The following MAMDC4 variants were observed in gnomAD, a reference collection of about 807,000 sequenced individuals.
MAMDC4 encodes MAM domain containing 4, also known as apical endosomal glycoprotein.
In MAMDC4, 168 loss-of-function variants were observed where a neutral mutation model predicts 153.3. The observed-to-expected ratio is 1.10, with a 90% CI of 0.97 to 1.25. MAMDC4 has a LOEUF of 1.25. MAMDC4 is among the 50% of genes most tolerant of loss of function. The pLI, the probability that MAMDC4 is intolerant of heterozygous loss-of-function variation, is 0.00. For missense variants in MAMDC4, 1,701 were observed against 1,542.8 expected, an observed-to-expected ratio of 1.10 and a Z score of -1.72; for synonymous variants, 744 against 651.5, an observed-to-expected ratio of 1.14 and a Z score of -2.16.
Position 136,855,075 on chromosome 9 carries a change from G to A in MAMDC4, c.1162G>A (p.Asp388Asn). The change falls in exon 10 of 27, where the codon GAC becomes AAC. Residue 388 changes from aspartate to asparagine, a missense_variant. By Grantham distance (23) the Asp-to-Asn change is conservative. Transcript: ENST00000317446. ...GGAGCTGGGGACCGCCTGGGTCCGA[G>A]ACCGTGTTGACATCCAGAGCGCCTA... ...RGELGTAWVR[D>N]RVDIQSAYPF... The A allele has an allele frequency of 2.5e-6, 4 of 1,594,676 alleles. No homozygotes were observed. Among genetic ancestry groups the A allele is most frequent in the Non-Finnish European group, 3.4e-6 (4 of 1,171,348 alleles).
intron 6 of MAMDC4, 28 bp from the exon 7 acceptor site, chr9:136,854,183 G>T (rs185923518): frequency 2.5e-6 from 4 of 1,611,542 alleles, no homozygotes; most frequent in Non-Finnish European, 3.4e-6. Context: ...CTGGGGCCTC[G>T]GTGAAGGGTT....
At chr9:136,855,146 G>C (rs372648922) in intron 10 of MAMDC4, 36 bp downstream of exon 10, 2 of 1,563,384 alleles carry the variant, frequency 1.3e-6, no homozygotes, top group Admixed American at 3.9e-5. Flanking sequence ...CTGGGGAGCC[G>C]CACTGTGGGC....
At chr9:136,853,056 C>G in intron 1 of MAMDC4, 46 bp from the exon 2 acceptor site, 1 of 1,544,464 alleles carries the variant, frequency 6.5e-7, no homozygotes, top group South Asian at 1.1e-5. Flanking sequence ...GCTGGGATGG[C>G]TGGTCACCCT....
In MAMDC4 at chr9:136,859,313, C is replaced by G; in HGVS notation, c.3189C>G (p.Ser1063Arg). The change falls in exon 25 of 27, where the codon AGC (serine) becomes AGG (arginine). Residue 1063 changes from serine to arginine, a missense_variant. Transcript: ENST00000317446. ...AGCATTGCCAGCAGCCTGCCCCCAG[C>G]CCGGGTGAGCCCTGGGCTGCAGTGG... Reference protein sequence around the residue: ...AGQHCQQPAPSPGNTAAPGSV... With the variant: ...AGQHCQQPAPRPGNTAAPGSV... The G allele has an allele frequency of 6.2e-7, 1 of 1,609,632 alleles. No individual in the cohort carries two copies. The highest frequency in any genetic ancestry group is 1.3e-5 in the African/African-American group (1 of 74,990).
Position 136,856,780 on chromosome 9 carries a change from C to T in MAMDC4, c.1791C>T (p.Arg597=), listed in dbSNP as rs771355877. Reference sequence around the variant, plus strand: ...GCCACCTCTCAGACACACACTGGCGCTGGGTGGAGAGCCGCGGCCCTGACC... The same window carrying T: ...GCCACCTCTCAGACACACACTGGCGTTGGGTGGAGAGCCGCGGCCCTGACC... ...YPGHLSDTHW[R]WVESRGPDHD... The change falls in exon 15 of 27, where the codon CGC becomes CGT. Residue 597 remains arginine, a synonymous_variant. Coordinates refer to ENST00000317446, the MANE Select transcript of MAMDC4 (RefSeq NM_206920.3). 1.2e-6 allele frequency: 2 copies of T among 1,611,874 alleles called. No homozygotes were observed. The highest frequency in any genetic ancestry group is 2.2e-5 in the South Asian group (2 of 90,906).
intron 25 of MAMDC4, chr9:136,859,533 G>C (rs1564389382): frequency 3.3e-6 from 2 of 599,284 alleles, no homozygotes; most frequent in Non-Finnish European, 5.8e-6. Context: ...CTGGGGTGCA[G>C]CCTCTGGGGC....
Position 136,859,068 on chromosome 9 carries a change from G to A in MAMDC4, c.3020G>A (p.Gly1007Asp). Residue 1007 changes from glycine (G) to aspartate (D), a missense_variant, in exon 24 of 27, where the codon GGC becomes GAC. By Grantham distance (94) the Gly-to-Asp change is moderately conservative. Transcript: ENST00000317446. ...GGCCAGCTGGCTGTGTGGGGCGCAGGCGGGCATCGGCGGCACCAGTGGCTG... is the reference window on the plus strand; with the variant it reads ...GGCCAGCTGGCTGTGTGGGGCGCAGACGGGCATCGGCGGCACCAGTGGCTG... ...AQGQLAVWGAGGHRRHQWLEA... is the reference protein window; with the variant it reads ...AQGQLAVWGADGHRRHQWLEA... The A allele has an allele frequency of 1.9e-6, 3 of 1,555,054 alleles. No individual in the cohort carries two copies. Among genetic ancestry groups the A allele is most frequent in the Admixed American group, 3.9e-5 (2 of 51,382 alleles).
chr9:136,857,817 G>A, intron 19 of MAMDC4, 21 bp downstream of exon 19: 1 of 1,608,554 alleles, frequency 6.2e-7, no homozygotes, highest in Non-Finnish European at 8.5e-7. Flanking sequence ...TTGGGAGGGG[G>A]CCCCAGTGGG....
At position 136,859,305 on chromosome 9, in the gene MAMDC4, G is replaced by A; in HGVS notation, c.3181G>A (p.Ala1061Thr). 2 of 1,610,864 alleles carry A rather than the reference G, an allele frequency of 1.2e-6. No individual in the cohort carries two copies. The highest frequency in any genetic ancestry group is 8.5e-7 in the Non-Finnish European group (1 of 1,179,006). The change falls in exon 25 of 27, where the codon GCC (alanine) becomes ACC (threonine). Residue 1061 changes from alanine (A) to threonine (T), a missense_variant. Ala to Thr is a moderately conservative substitution (Grantham distance 58, BLOSUM62 0). Transcript: ENST00000317446. ...GGCTGGGCAGCATTGCCAGCAGCCT[G>A]CCCCCAGCCCGGGTGAGCCCTGGGC... is the stretch of plus-strand genomic sequence containing the variant. Reference protein sequence around the residue: ...YLAGQHCQQPAPSPGNTAAPG... With the variant: ...YLAGQHCQQPTPSPGNTAAPG...
chr9:136,854,232 CG>C lies in MAMDC4; in HGVS notation c.695del (p.Gly232AspfsTer38), dbSNP rs1447015733. 4.3e-6 allele frequency: 7 copies of C among 1,611,978 alleles called. No individual in the cohort carries two copies. In the Admixed American group the frequency reaches 5.0e-5, roughly 12 times the overall value. ...GLPTPQANCP[P>X]GHHHCQNKVC... ...CCAGCCCCCCAGGCCAACTGTCCCC[CG>C]GGACACCACCACTGCCAGAACAAGG... On this transcript the variant is annotated frameshift_variant, in exon 7 of 27. Transcript: ENST00000317446. LOFTEE classifies it high-confidence loss of function.
chr9:136,860,447 G>A (rs1224771473), intron 26 of MAMDC4, 115 bp from the exon 27 acceptor site: 9 of 1,113,410 alleles, frequency 8.1e-6, no homozygotes, highest in African/African-American at 6.3e-5. Context: ...CTTGAACCAG[G>A]GAGGCAGGGG....
At position 136,858,803 on chromosome 9, in the gene MAMDC4, C is replaced by T. The variant is rs1849045699; in HGVS notation, c.2906C>T (p.Pro969Leu). The change falls in exon 23 of 27, where the codon CCA becomes CTA. Residue 969 changes from proline (P) to leucine (L), a missense_variant. Transcript: ENST00000317446. The part of the protein sequence containing the change: ...WLRSEPLPAT[P>L]ASCLRFWYHM... ...CGCAGCGAGCCTCTGCCGGCCACCC[C>T]AGCCTCCTGCCTCCGCTTCTGGTAC... is the stretch of plus-strand genomic sequence containing the variant. The T allele has an allele frequency of 6.2e-7, 1 of 1,610,634 alleles. No homozygotes were observed. Among genetic ancestry groups the T allele is most frequent in the Non-Finnish European group, 8.5e-7 (1 of 1,178,816 alleles).
chr9:136,858,152 AC>A (rs1849034462), intron 20 of MAMDC4, 33 bp from the exon 21 acceptor site: 1 of 1,519,376 alleles, frequency 6.6e-7, no homozygotes, highest in Non-Finnish European at 8.9e-7. Flanking sequence ...GGCTGCCTGG[AC>A]CCGCTGAGGC....
chr9:136,853,899 G>C lies in MAMDC4; in HGVS notation c.577G>C (p.Asp193His). Residue 193 changes from aspartate to histidine, a missense_variant, in exon 5 of 27, where the codon GAC (aspartate) becomes CAC (histidine). Coordinates refer to ENST00000317446, the MANE Select transcript of MAMDC4 (RefSeq NM_206920.3). ...LAVTTGRIRG[D>H]FRVTFSATRN... ...AGTGACCACAGGCCGCATCCGGGGT[G>C]ACTTCCGAGTGAGCTGGGAGGGTCT... The C allele has an allele frequency of 6.2e-7, 1 of 1,612,660 alleles. No homozygotes were observed. The highest frequency in any genetic ancestry group is 1.1e-5 in the South Asian group (1 of 91,076).
chr9:136,858,530 C>T lies in MAMDC4; in HGVS notation c.2805C>T (p.Thr935=). 1 of 1,587,402 alleles carries T rather than the reference C, an allele frequency of 6.3e-7. No homozygotes were observed. Among genetic ancestry groups the T allele is most frequent in the Non-Finnish European group, 8.6e-7 (1 of 1,168,188 alleles). Reference sequence around the variant, plus strand: ...ACCCCCAGCCCCCTGTGGACCACACCCTGGGCACAGAGGCAGGTACGTGCC... The same window carrying T: ...ACCCCCAGCCCCCTGTGGACCACACTCTGGGCACAGAGGCAGGTACGTGCC... ...SRYPQPPVDH[T]LGTEAGHFAF... The change falls in exon 22 of 27, where the codon ACC becomes ACT. Residue 935 remains threonine (T), a synonymous_variant. Transcript: ENST00000317446.
rs142680518 is a variant in MAMDC4 at position 136,856,810 on chromosome 9, C to T, written c.1821C>T (p.Asp607=). ...RWVESRGPDH[D]HTTGQGHFVL... ...TGGAGAGCCGCGGCCCTGACCACGACCACACCACAGGCCAAGGTAGGATGG... is the reference window on the plus strand; with the variant it reads ...TGGAGAGCCGCGGCCCTGACCACGATCACACCACAGGCCAAGGTAGGATGG... The change falls in exon 15 of 27, where the codon GAC becomes GAT. Residue 607 remains aspartate, a synonymous_variant. Transcript: ENST00000317446. 3.3e-5 allele frequency: 54 copies of T among 1,611,980 alleles called. No homozygotes were observed. Among genetic ancestry groups the T allele is most frequent in the African/African-American group, 4.0e-5 (3 of 74,906 alleles).
At chr9:136,859,683 G>A in intron 25 of MAMDC4, 2 of 614,024 alleles carry the variant, frequency 3.3e-6, no homozygotes, top group Non-Finnish European at 5.7e-6. Flanking sequence ...CTGGGGCCAT[G>A]AGCCCCACCA....
rs773104053 is a variant in MAMDC4, at chr9:136,855,013, C to T, written c.1100C>T (p.Ala367Val). Residue 367 changes from alanine to valine, a missense_variant, in exon 10 of 27, where the codon GCC becomes GTC. Coordinates refer to ENST00000317446, the MANE Select transcript of MAMDC4 (RefSeq NM_206920.3). ...QLFLQTLGPG[A>V]PRAPVLLRRR... ...TTCCTGCAGACTCTGGGGCCCGGCG[C>T]CCCCCGGGCCCCCGTCCTGCTGCGG... 7 of 1,596,326 alleles carry T rather than the reference C, an allele frequency of 4.4e-6. No homozygotes were observed. The highest frequency in any genetic ancestry group is 1.1e-5 in the South Asian group (1 of 89,498).
intron 14 of MAMDC4, 133 bp downstream of exon 14, chr9:136,856,282 C>T: frequency 1.4e-6 from 2 of 1,414,384 alleles, no homozygotes; most frequent in Non-Finnish European, 2.0e-6. Context: ...TTGTGGTGGA[C>T]AACGGCTCCC....
Sources: gnomAD v4.1 joint callset for allele counts on GRCh38, gnomAD v4.1.1 for gene constraint, MANE v1.5 for transcripts, NCBI Gene and HGNC (gene_info 2026-07-23, HGNC 2026-07-21) for gene names.